Variants in HEATR6 observed in about 807,000 individuals in gnomAD.
HEATR6 encodes the protein HEAT repeat-containing protein 6.
In HEATR6, 106 loss-of-function variants were observed where a neutral mutation model predicts 132.8. The observed-to-expected ratio is 0.80, with a 90% CI of 0.68 to 0.94. The LOEUF is 0.94. HEATR6 is among the 40% of genes least tolerant of loss of function. The pLI is 0.00. For synonymous variants in HEATR6, 529 were observed against 537.8 expected (o/e 0.98, Z 0.23); for missense variants, 1,339 against 1,425.1 (o/e 0.94, Z 0.97).
At chr17:60,065,637 T>A (rs2083236555) in intron 9 of HEATR6, among the ~76,000 whole-genome samples, 1 of 152,254 alleles carries the variant, frequency 6.6e-6, no homozygotes, top group Non-Finnish European at 1.5e-5. Context: ...GCCAATCATT[T>A]TTTTCTTCTT....
At chr17:60,068,549 T>C (rs1721417195) in intron 7 of HEATR6, among the ~76,000 whole-genome samples, 1 of 148,466 alleles carries the variant, frequency 6.7e-6, no homozygotes, top group Non-Finnish European at 1.5e-5. Context: ...GCCTACGAGA[T>C]AAAAACCCAA....
chr17:60,060,584 G>T (rs1009059833), intron 9 of HEATR6, among the ~76,000 whole-genome samples: 2 of 152,166 alleles, frequency 1.3e-5, no homozygotes, highest in Non-Finnish European at 2.9e-5. Context: ...AATGCCAACT[G>T]AAAAGTTAGA....
At chr17:60,054,117 C>G (rs959588438) in intron 14 of HEATR6, among the ~76,000 whole-genome samples, 1 of 152,216 alleles carries the variant, frequency 6.6e-6, no homozygotes, top group African/African-American at 2.4e-5. Flanking sequence ...CCCAGGGCCC[C>G]ACTTCCCTGC....
rs528820470 is a variant in HEATR6 at position 60,055,068 on chromosome 17, T to C, written c.2289+447A>G. 6.6e-4 allele frequency among the ~76,000 whole-genome samples: 100 copies of C among 152,252 alleles called. 1 individual carries two copies. The highest frequency in any genetic ancestry group is 2.9e-3 in the Admixed American group (44 of 15,292). On this transcript the variant is annotated intron_variant, in intron 14 of 19. Transcript: ENST00000184956. ...TCACTCTATGAGCTCATACGAGAGC[T>C]GGTTGTTTAAAAGAGCCTGGCATCT...
rs767017193 is a variant in HEATR6, at chr17:60,043,679, C to G, written c.3430G>C (p.Ala1144Pro). The change falls in exon 20 of 20, where the codon GCA becomes CCA. Residue 1144 changes from alanine (A) to proline (P), a missense_variant. Transcript: ENST00000184956. ...CTTCTGGCTGTGTCTCCAGTTGGTG[C>G]CTGGATGCTGCCCATGTGTTTAAGG... ...MALKHMGSIQ[A>P]PTGDTARRAI... 3 of 1,614,032 alleles carry G rather than the reference C, an allele frequency of 1.9e-6. No homozygotes were observed. In the Admixed American group the frequency reaches 5.0e-5, roughly 27 times the overall value.
rs1431558979 is a variant in HEATR6, at chr17:60,059,956, C to T, written c.1557G>A (p.Leu519=). ...SVMIACSIRE[L]HRCLLLALVA... is the part of the protein sequence containing the mutation. ...CCAAAGCTAACAAAAGACATCTGTG[C>T]AACTCTCTAATGCTGCAAGCGATCA... Residue 519 remains leucine (L), a synonymous_variant, in exon 10 of 20, where the codon TTG becomes TTA. Coordinates refer to ENST00000184956, the MANE Select transcript of HEATR6 (RefSeq NM_022070.5). 1.9e-6 allele frequency: 3 copies of T among 1,613,868 alleles called. No individual in the cohort carries two copies. In the South Asian group the frequency reaches 3.3e-5, roughly 18 times the overall value.
intron 9 of HEATR6, chr17:60,064,577 A>G (rs2083229559): frequency 6.6e-6 from 1 of 152,154 alleles, no homozygotes. Context: ...ATCCACTTTA[A>G]GTAGGATGAC....
intron 9 of HEATR6, among the ~76,000 whole-genome samples, chr17:60,061,660 A>C (rs2083212014): frequency 6.6e-6 from 1 of 152,250 alleles, no homozygotes; most frequent in South Asian, 2.1e-4. Context: ...ATGCAATCTG[A>C]ATTCCATATA....
chr17:60,072,407 A>G, intron 4 of HEATR6, 78 bp from the exon 5 acceptor site: 2 of 712,360 alleles, frequency 2.8e-6, no homozygotes, highest in South Asian at 4.1e-5. Context: ...TAAAAATAGC[A>G]GTAATATAGA....
At chr17:60,062,459 C>T (rs2083217235) in intron 9 of HEATR6, among the ~76,000 whole-genome samples, 1 of 152,216 alleles carries the variant, frequency 6.6e-6, no homozygotes, top group Non-Finnish European at 1.5e-5. Context: ...CAGAAAAGTA[C>T]TTTTCCTTTT....
At position 60,067,524 on chromosome 17, in the gene HEATR6, G is replaced by A. The variant is rs1467680146; in HGVS notation, c.1148C>T (p.Ser383Phe). 4 of 1,612,982 alleles carry A rather than the reference G, an allele frequency of 2.5e-6. No individual in the cohort carries two copies. The highest frequency in any genetic ancestry group is 3.3e-5 in the Admixed American group (2 of 59,746). ...GSGAAEKDGVSSSFSSSSWKR... is the reference protein window; with the variant it reads ...GSGAAEKDGVFSSFSSSSWKR... The stretch of plus-strand genomic sequence containing the variant: ...CCAACTGGAAGAACTGAAGGATGAG[G>A]AGACTCCATCTTTTTCTGCAGCTCC... Residue 383 changes from serine (S) to phenylalanine (F), a missense_variant, in exon 8 of 20, where the codon TCC becomes TTC. Transcript: ENST00000184956.
intron 1 of HEATR6, among the ~76,000 whole-genome samples, chr17:60,078,003 G>C (rs1294740409): frequency 6.6e-6 from 1 of 152,216 alleles, no homozygotes; most frequent in African/African-American, 2.4e-5. Flanking sequence ...GGATGGACTG[G>C]GGACGGGAAT....
intron 18 of HEATR6, 119 bp from the exon 19 acceptor site, chr17:60,046,348 C>CTCACAAGGTCTGCTCTGGT (rs747233521): frequency 1.9e-4 from 131 of 674,138 alleles, no homozygotes; most frequent in Non-Finnish European, 3.0e-4. Context: ...GTCCTTGGAA[C>CTCACAAGGTCTGCTCTGGT]TCACAAGGTC....
intron 8 of HEATR6, among the ~76,000 whole-genome samples, chr17:60,066,693 GT>G (rs1356097938): frequency 5.3e-5 from 8 of 152,088 alleles, no homozygotes; most frequent in Non-Finnish European, 8.8e-5. Context: ...ACACTGCCGA[GT>G]ATCCATCCAT....
At chr17:60,049,453 T>TA in intron 16 of HEATR6, 127 bp downstream of exon 16, 1 of 1,074,382 alleles carries the variant, frequency 9.3e-7, no homozygotes, top group South Asian at 1.5e-5. Context: ...TAGTAGCAAT[T>TA]ACAGATATCA....
intron 9 of HEATR6, among the ~76,000 whole-genome samples, chr17:60,061,676 C>T (rs2083212287): frequency 1.3e-5 from 2 of 152,220 alleles, no homozygotes. Context: ...ATATAATTTT[C>T]ACATATCACG....
In HEATR6 at chr17:60,060,027, C is replaced by A. The variant is rs1336885572; in HGVS notation, c.1486G>T (p.Glu496Ter). 3 of 1,614,022 alleles carry A rather than the reference C, an allele frequency of 1.9e-6. No individual in the cohort carries two copies. The highest frequency in any genetic ancestry group is 1.3e-5 in the African/African-American group (1 of 75,012). ...EGSKQFLSVAEDTSDHRRAFT... is the reference protein window; with the variant it reads ...EGSKQFLSVA ...GCCCTTCTGTGGTCACTGGTATCTT[C>A]AGCAACAGAAAGAAACTGCTTTGAG... Residue 496 changes from glutamate to a stop codon, truncating the protein, a stop_gained, in exon 10 of 20, where the codon GAA (glutamate) becomes TAA (stop). Transcript: ENST00000184956. LOFTEE classifies it high-confidence loss of function.
intron 3 of HEATR6, among the ~76,000 whole-genome samples, 194 bp downstream of exon 3, chr17:60,073,552 G>A (rs1030053247): frequency 4.6e-5 from 7 of 152,086 alleles, no homozygotes; most frequent in Non-Finnish European, 5.9e-5. Flanking sequence ...ACTATTTACC[G>A]AGGGCCATGA....
At chr17:60,067,373 A>T in intron 8 of HEATR6, 61 bp downstream of exon 8, 1 of 1,221,058 alleles carries the variant, frequency 8.2e-7, no homozygotes, top group Non-Finnish European at 1.1e-6. Context: ...ATTCAGGTTA[A>T]GTTATAAACT....
Sources: allele counts gnomAD v4.1 joint callset (sites outside exome capture counted in the v4.1 genomes callset), GRCh38; gene constraint gnomAD v4.1.1; transcripts MANE v1.5; gene names NCBI Gene and HGNC (gene_info 2026-07-23, HGNC 2026-07-21).